TRIQK: variants seen among roughly 807,000 people sequenced by gnomAD.
TRIQK encodes triple QxxK/R motif-containing protein.
Under a neutral mutation model 10.8 loss-of-function variants are expected in TRIQK, and 10 were observed. The observed-to-expected ratio is 0.92, with a 90% CI of 0.57 to 1.57. The LOEUF is 1.57. Ranked by LOEUF, TRIQK falls within the 40% of genes most tolerant of loss-of-function variation. The pLI, the probability that TRIQK is intolerant of heterozygous loss-of-function variation, is 0.00. For synonymous variants in TRIQK, 33 were observed against 33.7 expected (o/e 0.98, Z 0.07); for missense variants, 107 against 97.7 (o/e 1.09, Z -0.40).
intron 2 of TRIQK, among the ~76,000 whole-genome samples, chr8:92,923,901 G>C (rs1810310964): frequency 1.3e-5 from 2 of 151,780 alleles, no homozygotes; most frequent in African/African-American, 2.4e-5. Flanking sequence ...AATCCAGAAA[G>C]AACAAGTAAA....
chr8:92,914,341 TAACACTAAAG>T (rs759209885), intron 3 of TRIQK, among the ~76,000 whole-genome samples: 14 of 152,104 alleles, frequency 9.2e-5, no homozygotes, highest in Non-Finnish European at 1.3e-4. Context: ...TTCTTGGATG[TAACACTAAAG>T]AACATGCAAC....
At chr8:92,929,389 G>A (rs1442299237) in intron 2 of TRIQK, 1 of 152,096 alleles carries the variant, frequency 6.6e-6, no homozygotes, top group Non-Finnish European at 1.5e-5. Flanking sequence ...CAAAGCACTT[G>A]TTTTTCCCAA....
intron 1 of TRIQK, among the ~76,000 whole-genome samples, chr8:93,014,902 C>T (rs1333565128): frequency 6.6e-6 from 1 of 151,920 alleles, no homozygotes; most frequent in Non-Finnish European, 1.5e-5. Flanking sequence ...ACATGGTGCA[C>T]AGCAGTAACT....
intron 2 of TRIQK, among the ~76,000 whole-genome samples, chr8:92,932,647 G>A (rs747391930): frequency 4.6e-5 from 7 of 151,846 alleles, no homozygotes; most frequent in Non-Finnish European, 7.4e-5. Context: ...TATTCTGACA[G>A]GTGCCATGTG....
chr8:93,011,129 C>T (rs1387300140), intron 1 of TRIQK, among the ~76,000 whole-genome samples: 4 of 151,544 alleles, frequency 2.6e-5, no homozygotes, highest in African/African-American at 9.7e-5. Context: ...GTCACACATG[C>T]TCATATGATC....
chr8:92,887,297 G>GGA (rs1262946146), intron 4 of TRIQK, among the ~76,000 whole-genome samples: 1 of 151,196 alleles, frequency 6.6e-6, no homozygotes, highest in Non-Finnish European at 1.5e-5. Flanking sequence ...AAAGTCTATA[G>GGA]TTTACACTGC....
chr8:92,915,177 G>A (rs889317256), intron 3 of TRIQK, among the ~76,000 whole-genome samples: 1 of 152,128 alleles, frequency 6.6e-6, no homozygotes, highest in African/African-American at 2.4e-5. Context: ...ATGTAGAAAA[G>A]GAGAGTGGAA....
intron 2 of TRIQK, among the ~76,000 whole-genome samples, chr8:92,948,498 C>T (rs1438562618): frequency 6.6e-6 from 1 of 152,142 alleles, no homozygotes; most frequent in Non-Finnish European, 1.5e-5. Context: ...ACAATGAATT[C>T]ATTGCAACAA....
chr8:93,003,674 G>C (rs892634987), intron 1 of TRIQK, among the ~76,000 whole-genome samples: 1 of 152,166 alleles, frequency 6.6e-6, no homozygotes, highest in Non-Finnish European at 1.5e-5. Flanking sequence ...TCTGAGAAGA[G>C]GCAAGACCCT....
At chr8:92,922,197 A>C (rs1363430671) in intron 2 of TRIQK, 1 of 151,768 alleles carries the variant, frequency 6.6e-6, no homozygotes, top group Non-Finnish European at 1.5e-5. Context: ...TTATAATTCA[A>C]AACATTAAAA....
rs1480768389 is a variant in TRIQK, at chr8:92,884,134, C to G, written c.*2488G>C. On this transcript the variant is annotated 3_prime_UTR_variant, in exon 5 of 5. Transcript: ENST00000521988. ...CTAAATTACTCTGAGCAGTGAATTA[C>G]TGGAGGGAAGATACCCATGTCTAAA... 8 of 151,770 alleles carry G rather than the reference C, an allele frequency of 5.3e-5. No homozygotes were observed. The highest frequency in any genetic ancestry group is 8.8e-5 in the Non-Finnish European group (6 of 67,846). 9.4% of individuals were successfully genotyped at this position (151,770 alleles called of 1,614,324 possible).
chr8:92,948,225 C>T (rs185332432), intron 2 of TRIQK, among the ~76,000 whole-genome samples: 1 of 152,270 alleles, frequency 6.6e-6, no homozygotes, highest in African/African-American at 2.4e-5. Flanking sequence ...TCTGTTTTAG[C>T]TATGGACCAC....
chr8:92,993,790 C>A (rs1340660260), intron 1 of TRIQK, among the ~76,000 whole-genome samples: 1 of 152,202 alleles, frequency 6.6e-6, no homozygotes, highest in Non-Finnish European at 1.5e-5. Context: ...ACCTTTAGTT[C>A]TTTATGACTA....
chr8:92,899,140 T>C (rs899645329), intron 3 of TRIQK, among the ~76,000 whole-genome samples: 1 of 151,134 alleles, frequency 6.6e-6, no homozygotes, highest in African/African-American at 2.4e-5. Flanking sequence ...CATGACACCA[T>C]GGCCAGCTAA....
intron 1 of TRIQK, chr8:92,972,936 T>C (rs1812889663): frequency 6.6e-6 from 1 of 152,218 alleles, no homozygotes; most frequent in African/African-American, 2.4e-5. Flanking sequence ...TCTAATGGGA[T>C]AATGAAGCGT....
intron 2 of TRIQK, among the ~76,000 whole-genome samples, chr8:92,934,587 TA>T (rs1258817913): frequency 1.2e-4 from 19 of 152,034 alleles, no homozygotes; most frequent in African/African-American, 4.3e-4. Context: ...TATTAGTAAT[TA>T]AATGTCAAAA....
chr8:92,913,970 G>C (rs958244839), intron 3 of TRIQK, among the ~76,000 whole-genome samples: 2 of 152,088 alleles, frequency 1.3e-5, no homozygotes, highest in Admixed American at 1.3e-4. Context: ...GGCCTGTCAG[G>C]GGGTGGGGTG....
chr8:92,976,434 G>T (rs1364406122), intron 1 of TRIQK, among the ~76,000 whole-genome samples: 1 of 151,822 alleles, frequency 6.6e-6, no homozygotes, highest in Non-Finnish European at 1.5e-5. Flanking sequence ...AATCTACTTT[G>T]TGTGATATTA....
At chr8:92,979,199 C>G (rs755523648) in intron 1 of TRIQK, among the ~76,000 whole-genome samples, 5 of 152,192 alleles carry the variant, frequency 3.3e-5, no homozygotes, top group Middle Eastern at 3.4e-3. Flanking sequence ...GAAAGCTTAG[C>G]TGTGTTTAGG....
Sources: allele counts gnomAD v4.1 joint callset (sites outside exome capture counted in the v4.1 genomes callset), GRCh38; gene constraint gnomAD v4.1.1; transcripts MANE v1.5; gene names NCBI Gene and HGNC (gene_info 2026-07-23, HGNC 2026-07-21).